Variants in IL1RAPL2 observed in about 807,000 individuals in gnomAD.
The protein encoded by IL1RAPL2 is X-linked interleukin-1 receptor accessory protein-like 2.
IL1RAPL2 carries 3 observed loss-of-function variants against 44.1 expected under a neutral mutation model. The observed-to-expected ratio is 0.07, with a 90% CI of 0.03 to 0.18. The LOEUF is 0.18. Among genes scored for constraint, IL1RAPL2 ranks in the 10% least tolerant of loss-of-function variants. The pLI is 1.00. For missense variants in IL1RAPL2, 391 were observed against 496.4 expected, an observed-to-expected ratio of 0.79 and a Z score of 2.02; for synonymous variants, 181 against 178.8, an observed-to-expected ratio of 1.01 and a Z score of -0.10.
intron 2 of IL1RAPL2, among the ~76,000 whole-genome samples, chrX:104,777,567 TTA>T (rs1348845580): frequency 4.0e-5 from 4 of 100,871 alleles, no homozygotes; most frequent in Non-Finnish European, 7.9e-5. Context: ...ATTATTATTA[TTA>T]TTATTATTAT....
At chrX:105,684,079 T>C (rs2037948051) in intron 6 of IL1RAPL2, among the ~76,000 whole-genome samples, 1 of 111,954 alleles carries the variant, frequency 8.9e-6, no homozygotes, top group East Asian at 2.8e-4. Context: ...GATGGCCGAA[T>C]AGGAACAGCT....
intron 2 of IL1RAPL2, among the ~76,000 whole-genome samples, chrX:105,051,437 C>T (rs976894765): frequency 1.8e-5 from 2 of 112,951 alleles, no homozygotes; most frequent in Non-Finnish European, 3.8e-5. Context: ...TCTGCCTGGT[C>T]CATGGAGTGG....
intron 2 of IL1RAPL2, among the ~76,000 whole-genome samples, chrX:104,884,681 A>G (rs1297642815): frequency 9.0e-6 from 1 of 111,405 alleles, no homozygotes; most frequent in Middle Eastern, 4.2e-3. Flanking sequence ...CTGCAGCTTG[A>G]CCTTTTCTGT....
chrX:105,030,388 G>T (rs760643881), intron 2 of IL1RAPL2, among the ~76,000 whole-genome samples: 21 of 111,494 alleles, frequency 1.9e-4, no homozygotes, highest in East Asian at 5.6e-4. Context: ...GGTCTAACAT[G>T]TAAGTCTTTA....
intron 5 of IL1RAPL2, among the ~76,000 whole-genome samples, chrX:105,375,814 A>G (rs1353855497): frequency 8.9e-6 from 1 of 111,821 alleles, no homozygotes; most frequent in East Asian, 2.8e-4. Context: ...ACATAATGGT[A>G]TTTATTGTTC....
intron 2 of IL1RAPL2, among the ~76,000 whole-genome samples, chrX:104,804,639 A>G (rs373371216): frequency 3.6e-5 from 4 of 112,406 alleles, no homozygotes; most frequent in African/African-American, 1.3e-4. Flanking sequence ...GATGATCCTG[A>G]CATAATCAGG....
At chrX:104,939,516 TATAAG>T (rs1408780164) in intron 2 of IL1RAPL2, among the ~76,000 whole-genome samples, 5 of 111,935 alleles carry the variant, frequency 4.5e-5, no homozygotes, top group East Asian at 2.8e-4. Context: ...TTTATTTTCT[TATAAG>T]AAAGAGGTGA....
At chrX:105,236,256 T>G (rs1253593760) in intron 4 of IL1RAPL2, among the ~76,000 whole-genome samples, 1 of 112,032 alleles carries the variant, frequency 8.9e-6, no homozygotes, top group Non-Finnish European at 1.9e-5. Context: ...CCTTACATAC[T>G]CAAGCAATTT....
At chrX:105,094,704 T>C (rs2032584684) in intron 2 of IL1RAPL2, among the ~76,000 whole-genome samples, 1 of 110,611 alleles carries the variant, frequency 9.0e-6, no homozygotes, top group Non-Finnish European at 1.9e-5. Context: ...ATTAACTTGT[T>C]CATTTCTGCA....
chrX:104,884,122 T>A (rs781656260), intron 2 of IL1RAPL2, among the ~76,000 whole-genome samples: 1 of 110,172 alleles, frequency 9.1e-6, no homozygotes, highest in East Asian at 2.8e-4. Flanking sequence ...AGGGTGCAGG[T>A]TTTTGAGAAT....
At chrX:105,407,916 T>C (rs1307068119) in intron 5 of IL1RAPL2, among the ~76,000 whole-genome samples, 2 of 112,353 alleles carry the variant, frequency 1.8e-5, no homozygotes, top group Non-Finnish European at 3.8e-5. Context: ...CATAGGAAGA[T>C]ACTTCAAAAC....
intron 2 of IL1RAPL2, among the ~76,000 whole-genome samples, chrX:105,174,728 G>T (rs1252931299): frequency 9.0e-6 from 1 of 111,210 alleles, no homozygotes; most frequent in Non-Finnish European, 1.9e-5. Flanking sequence ...CATAAGGAGG[G>T]ACAAATTAAT....
intron 6 of IL1RAPL2, among the ~76,000 whole-genome samples, chrX:105,661,405 T>C (rs1479862467): frequency 8.9e-6 from 1 of 112,073 alleles, no homozygotes; most frequent in Admixed American, 9.4e-5. Flanking sequence ...GAATTTAATC[T>C]GTACTATAGA....
chrX:104,972,103 G>C (rs1041477718), intron 2 of IL1RAPL2, among the ~76,000 whole-genome samples: 3 of 111,467 alleles, frequency 2.7e-5, no homozygotes, highest in Non-Finnish European at 5.6e-5. Context: ...TCCAATGGGG[G>C]TGGTCGAACA....
At chrX:104,593,465 G>A (rs1415904585) in intron 1 of IL1RAPL2, among the ~76,000 whole-genome samples, 2 of 111,899 alleles carry the variant, frequency 1.8e-5, no homozygotes, top group East Asian at 5.6e-4. Flanking sequence ...CTAGAAATTT[G>A]AACTTCAATT....
chrX:105,663,013 T>C lies in IL1RAPL2; in HGVS notation c.773-54354T>C, dbSNP rs185816642. Among the ~76,000 whole-genome samples, 309 of 112,285 alleles carry C rather than the reference T, an allele frequency of 2.8e-3. 1 individual carries two copies. The highest frequency in any genetic ancestry group is 9.2e-3 in the African/African-American group (286 of 30,934). On this transcript the variant is annotated intron_variant, in intron 6 of 10. Transcript: ENST00000372582. The stretch of plus-strand genomic sequence containing the variant: ...TAGGTTTAACAATTAGCCTATCACA[T>C]CTCTCAAAAATGGTAAAGGGGATTT...
intron 2 of IL1RAPL2, among the ~76,000 whole-genome samples, chrX:104,997,950 G>A (rs569952845): frequency 1.4e-4 from 15 of 111,077 alleles, no homozygotes; most frequent in African/African-American, 2.6e-4. Context: ...GGAAGAGGTC[G>A]GAGCTGAAGA....
chrX:105,347,799 C>A (rs974843785), intron 5 of IL1RAPL2, among the ~76,000 whole-genome samples: 2 of 111,170 alleles, frequency 1.8e-5, no homozygotes, highest in African/African-American at 6.5e-5. Flanking sequence ...GCATCCCTAC[C>A]TTCTACATAC....
chrX:105,031,768 A>T (rs986801608), intron 2 of IL1RAPL2, among the ~76,000 whole-genome samples: 5 of 111,302 alleles, frequency 4.5e-5, no homozygotes, highest in Admixed American at 9.5e-5. Context: ...TAAAATGAGT[A>T]AGGGAGGATT....
Sources: gnomAD v4.1 joint callset for allele counts (sites outside exome capture counted in the v4.1 genomes callset) on GRCh38, gnomAD v4.1.1 for gene constraint, MANE v1.5 for transcripts, NCBI Gene and HGNC (gene_info 2026-07-23, HGNC 2026-07-21) for gene names.